Variants in ZMYM2 observed in about 807,000 individuals in gnomAD.
ZMYM2 encodes zinc finger MYM-type containing 2.
ZMYM2 carries 56 observed loss-of-function variants against 162.8 expected under a neutral mutation model. The observed-to-expected ratio is 0.34, with a 90% confidence interval of 0.28 to 0.43. The LOEUF is 0.43. ZMYM2 is among the 20% of genes least tolerant of loss of function. The pLI, the probability that ZMYM2 is intolerant of heterozygous loss-of-function variation, is 1.00. For synonymous variants in ZMYM2, 510 were observed against 541.6 expected (o/e 0.94, Z 0.81); for missense variants, 1,275 against 1,621.8 (o/e 0.79, Z 3.67).
intron 15 of ZMYM2, 136 bp downstream of exon 15, chr13:20,058,840 T>C (rs776320657): frequency 3.6e-6 from 4 of 1,108,048 alleles, no homozygotes; most frequent in Admixed American, 1.7e-5. Flanking sequence ...TTTGCTTACG[T>C]AATTTTAGAT....
At chr13:20,072,605 T>C in intron 21 of ZMYM2, among the ~76,000 whole-genome samples, 1 of 152,196 alleles carries the variant, frequency 6.6e-6, no homozygotes, top group East Asian at 1.9e-4. Flanking sequence ...TTTGTGAGAA[T>C]TGGCATTCTT....
chr13:20,076,539 G>C (rs1366870014), intron 21 of ZMYM2, among the ~76,000 whole-genome samples: 2 of 150,198 alleles, frequency 1.3e-5, no homozygotes, highest in East Asian at 3.9e-4. Context: ...ATCTTTTTTA[G>C]TTTGTGAGTT....
the ZMYM2 span, among the ~76,000 whole-genome samples, chr13:19,933,702 G>C: frequency 6.6e-6 from 1 of 152,138 alleles, no homozygotes; most frequent in Non-Finnish European, 1.5e-5. Flanking sequence ...GAGCTGTCCT[G>C]GCCCTTCAGA....
chr13:19,874,789 G>A, the ZMYM2 span, among the ~76,000 whole-genome samples: 1 of 152,176 alleles, frequency 6.6e-6, no homozygotes, highest in Non-Finnish European at 1.5e-5. Context: ...GCTAGTGAGA[G>A]CTATTAAAGT....
At chr13:19,957,894 T>G (rs1954659914), upstream of ZMYM2, among the ~76,000 whole-genome samples, 1 of 152,206 alleles carries the variant, frequency 6.6e-6, no homozygotes, top group South Asian at 2.1e-4. Flanking sequence ...CCGTCCCCTG[T>G]GGCCCCGCGG....
At chr13:19,959,545 G>A (rs1954945080) in intron 1 of ZMYM2, among the ~76,000 whole-genome samples, 1 of 152,198 alleles carries the variant, frequency 6.6e-6, no homozygotes, top group Non-Finnish European at 1.5e-5. Flanking sequence ...GCAAATGTGG[G>A]CGATATCGGC....
intron 12 of ZMYM2, among the ~76,000 whole-genome samples, chr13:20,037,213 ATTTTTTTT>A (rs754909177): frequency 8.9e-5 from 8 of 90,384 alleles, no homozygotes; most frequent in African/African-American, 2.4e-4. Context: ...ACTAAGTAGA[ATTTTTTTT>A]TTTTTTTTTT....
chr13:19,921,917 T>TA, the ZMYM2 span, among the ~76,000 whole-genome samples: 1 of 151,518 alleles, frequency 6.6e-6, no homozygotes, highest in African/African-American at 2.4e-5. Flanking sequence ...CAAGTATTTT[T>TA]TTTTTCCTTT....
intron 2 of ZMYM2, among the ~76,000 whole-genome samples, chr13:19,991,614 TTTTC>T (rs1177053089): frequency 2.2e-4 from 25 of 115,240 alleles, no homozygotes; most frequent in Admixed American, 1.1e-3. Context: ...ATTTCTTTTC[TTTTC>T]TTTTTCTTTT....
chr13:20,083,044 G>A lies in ZMYM2; in HGVS notation c.3820+12G>A, dbSNP rs554991597. The A allele has an allele frequency of 6.4e-7, 1 of 1,556,970 alleles. No homozygotes were observed. Among genetic ancestry groups the A allele is most frequent in the East Asian group, 2.3e-5 (1 of 43,566 alleles). ...AACAGATAATGAAGGTAGTGTAACA[G>A]ATTTCTATTTTTATTTTTATTTTTA... On this transcript the variant is annotated intron_variant, in intron 23 of 24. Coordinates refer to ENST00000610343, the MANE Select transcript of ZMYM2 (RefSeq NM_197968.4).
At chr13:20,054,594 C>A (rs1440868524) in intron 14 of ZMYM2, among the ~76,000 whole-genome samples, 4 of 152,202 alleles carry the variant, frequency 2.6e-5, no homozygotes, top group African/African-American at 9.7e-5. Flanking sequence ...TTGGGTCCTA[C>A]TTCAGCATAC....
chr13:19,989,902 C>G (rs975588617), intron 2 of ZMYM2, among the ~76,000 whole-genome samples: 1 of 152,084 alleles, frequency 6.6e-6, no homozygotes, highest in East Asian at 1.9e-4. Context: ...AGTAAGAGAT[C>G]TTGCTTTTAA....
chr13:20,083,813 G>T, intron 24 of ZMYM2, 37 bp downstream of exon 24: 1 of 1,577,794 alleles, frequency 6.3e-7, no homozygotes. Flanking sequence ...AAAAATGTTG[G>T]TAGAAGTTGG....
intron 3 of ZMYM2, among the ~76,000 whole-genome samples, chr13:19,998,324 C>T (rs1950165277): frequency 6.6e-6 from 1 of 152,034 alleles, no homozygotes; most frequent in Non-Finnish European, 1.5e-5. Context: ...AAAACTAGGG[C>T]AAATGTAAAT....
chr13:20,085,167 C>T (rs566981273), intron 24 of ZMYM2, among the ~76,000 whole-genome samples: 17 of 152,120 alleles, frequency 1.1e-4, no homozygotes, highest in Non-Finnish European at 8.8e-5. Flanking sequence ...GTGTTTTGGG[C>T]GCGAACTCCT....
chr13:19,989,172 G>A (rs962688716), intron 2 of ZMYM2, among the ~76,000 whole-genome samples: 15 of 152,212 alleles, frequency 9.9e-5, no homozygotes, highest in African/African-American at 3.1e-4. Context: ...AGGTTTTTGG[G>A]ATATGCATAA....
At chr13:20,064,699 T>C (rs919388716) in intron 19 of ZMYM2, among the ~76,000 whole-genome samples, 154 bp downstream of exon 19, 2 of 143,822 alleles carry the variant, frequency 1.4e-5, no homozygotes, top group African/African-American at 4.9e-5. Flanking sequence ...AGTAATAATA[T>C]ATTACTGCTA....
At chr13:19,940,640 A>G in the ZMYM2 span, among the ~76,000 whole-genome samples, 1 of 152,230 alleles carries the variant, frequency 6.6e-6, no homozygotes, top group Non-Finnish European at 1.5e-5. Context: ...AGGAGAGATC[A>G]AACTAAACCC....
At chr13:19,944,666 C>T in the ZMYM2 span, among the ~76,000 whole-genome samples, 1 of 152,016 alleles carries the variant, frequency 6.6e-6, no homozygotes, top group Non-Finnish European at 1.5e-5. Flanking sequence ...ACCTCTCCTT[C>T]CATGTCCTAT....
Sources: gnomAD v4.1 joint callset for allele counts (sites outside exome capture counted in the v4.1 genomes callset) on GRCh38, gnomAD v4.1.1 for gene constraint, MANE v1.5 for transcripts, NCBI Gene and HGNC (gene_info 2026-07-23, HGNC 2026-07-21) for gene names.